Variants in BTBD7 observed in about 807,000 individuals in gnomAD.
BTBD7 encodes BTB/POZ domain-containing protein 7.
BTBD7 carries 38 observed loss-of-function variants against 99.9 expected under a neutral mutation model. That is an observed-to-expected ratio of 0.38 (90% CI 0.29 to 0.50). BTBD7 has a LOEUF of 0.50. Ranked by LOEUF, BTBD7 falls within the 20% of genes least tolerant of loss-of-function variation. BTBD7 has a pLI of 0.93. For synonymous variants in BTBD7, 520 were observed against 511.4 expected (o/e 1.02, Z -0.23); for missense variants, 1,170 against 1,394.6 (o/e 0.84, Z 2.57).
In BTBD7 at chr14:93,238,953, TAAG is replaced by T. The variant is rs1026542831; in HGVS notation, c.*3317_*3319del. ...AGTTAAGGCTTCATAAAGAATTCTA[TAAG>T]AAGATTTAAATGTCAAGAATTCACT... On this transcript the variant is annotated 3_prime_UTR_variant, in exon 11 of 11. Transcript: ENST00000334746. 3.3e-5 allele frequency: 5 copies of T among 152,216 alleles called. No homozygotes were observed. The highest frequency in any genetic ancestry group is 1.9e-4 in the East Asian group (1 of 5,202). The allele number at this position is 152,216 out of a possible 1,614,324, so 9.4% of individuals were successfully genotyped here. A position where few individuals can be genotyped will look rare whatever the true frequency, so the allele number is the denominator to read the frequency against.
At chr14:93,269,682 C>G (rs948173893) in intron 3 of BTBD7, among the ~76,000 whole-genome samples, 1 of 152,124 alleles carries the variant, frequency 6.6e-6, no homozygotes, top group Non-Finnish European at 1.5e-5. Flanking sequence ...GCAAAAACAC[C>G]GCTTGAATAT....
At chr14:93,326,782 C>T (rs543215573) in intron 1 of BTBD7, among the ~76,000 whole-genome samples, 15 of 145,718 alleles carry the variant, frequency 1.0e-4, no homozygotes, top group African/African-American at 3.9e-4. Context: ...CCAGCCTGGG[C>T]GACAGAGCAA....
chr14:93,259,260 G>GAATGAAGCTTACC (rs1215622679), intron 5 of BTBD7, among the ~76,000 whole-genome samples: 2 of 152,124 alleles, frequency 1.3e-5, no homozygotes, highest in Admixed American at 6.5e-5. Context: ...CAACAGCACT[G>GAATGAAGCTTACC]TAACTCACGC....
intron 3 of BTBD7, among the ~76,000 whole-genome samples, chr14:93,292,479 TAAAC>T (rs1393616102): frequency 6.6e-6 from 1 of 152,196 alleles, no homozygotes; most frequent in Non-Finnish European, 1.5e-5. Flanking sequence ...TCTAAACTAA[TAAAC>T]TGTTTTAATG....
intron 2 of BTBD7, among the ~76,000 whole-genome samples, chr14:93,295,296 C>CT (rs1027226113): frequency 4.6e-5 from 7 of 151,572 alleles, no homozygotes; most frequent in Admixed American, 2.6e-4. Flanking sequence ...ATTTTTTTTT[C>CT]TTTTTTTGGT....
At chr14:93,276,040 C>A (rs1049096579) in intron 3 of BTBD7, among the ~76,000 whole-genome samples, 4 of 151,986 alleles carry the variant, frequency 2.6e-5, no homozygotes, top group African/African-American at 7.3e-5. Context: ...CACAGTGAGA[C>A]CCTGTCTCTA....
intron 1 of BTBD7, 108 bp from the exon 2 acceptor site, chr14:93,296,265 G>A (rs923654659): frequency 2.2e-5 from 16 of 732,922 alleles, no homozygotes; most frequent in East Asian, 7.0e-5. Flanking sequence ...ATAACAACAC[G>A]CTGTCAAATT....
Position 93,242,769 on chromosome 14 carries a change from G to A in BTBD7, c.2903C>T (p.Ser968Leu), listed in dbSNP as rs1220242447. The A allele has an allele frequency of 9.9e-6, 16 of 1,614,070 alleles. No individual in the cohort carries two copies. Among genetic ancestry groups the A allele is most frequent in the African/African-American group, 4.0e-5 (3 of 74,920 alleles). The change falls in exon 11 of 11, where the codon TCG (serine) becomes TTG (leucine). Residue 968 changes from serine (S) to leucine (L), a missense_variant. Ser to Leu is a moderately radical substitution (Grantham distance 145, BLOSUM62 -2). Transcript: ENST00000334746. ...PALSRRTPSP[S>L]QGGYFGPDLY... Reference sequence around the variant, plus strand: ...ATCGGGACCAAAATATCCACCTTGCGAAGGGGAAGGGGTGCGTCTGCTGAG... The same window carrying A: ...ATCGGGACCAAAATATCCACCTTGCAAAGGGGAAGGGGTGCGTCTGCTGAG...
intron 6 of BTBD7, chr14:93,255,820 T>C (rs1215684537): frequency 6.6e-6 from 1 of 152,206 alleles, no homozygotes; most frequent in East Asian, 1.9e-4. Context: ...ATAACAACTG[T>C]TCAGGGGAGC....
rs2052923410 is a variant in BTBD7 at position 93,296,088 on chromosome 14, T to C, written c.-37A>G. ...ACTCAGGCATTCCGTCTGCGGGTTC[T>C]TCAGAGTATAATCCCAGAGGCCTTT... is the stretch of plus-strand genomic sequence containing the variant. On this transcript the variant is annotated 5_prime_UTR_variant, in exon 2 of 11. Coordinates refer to ENST00000334746, the MANE Select transcript of BTBD7 (RefSeq NM_001002860.4). 1.2e-6 allele frequency: 2 copies of C among 1,608,698 alleles called. No individual in the cohort carries two copies. Among genetic ancestry groups the C allele is most frequent in the African/African-American group, 1.3e-5 (1 of 74,788 alleles).
At chr14:93,305,596 T>C (rs531029839) in intron 1 of BTBD7, among the ~76,000 whole-genome samples, 11 of 152,346 alleles carry the variant, frequency 7.2e-5, no homozygotes, top group African/African-American at 1.7e-4. Flanking sequence ...TACCCACTTG[T>C]AGCAGAAACA....
chr14:93,293,935 G>A lies in BTBD7; in HGVS notation c.1085C>T (p.Pro362Leu). 1 of 1,613,754 alleles carries A rather than the reference G, an allele frequency of 6.2e-7. No individual in the cohort carries two copies. Reference protein sequence around the residue: ...SEVQALVAGKPNMTRAEEAME... With the variant: ...SEVQALVAGKLNMTRAEEAME... ...GGCTTCTTCTGCCCTGGTCATGTTT[G>A]GCTTCCCTGCGACGAGAGCCTGAAC... Residue 362 changes from proline to leucine, a missense_variant, in exon 3 of 11, where the codon CCA becomes CTA. By Grantham distance (98) the Pro-to-Leu change is moderately conservative. Around this residue, in one of 4 missense-constraint regions of BTBD7, gnomAD observed 359 missense variants for 497.9 expected, o/e 0.72. Coordinates refer to ENST00000334746, the MANE Select transcript of BTBD7 (RefSeq NM_001002860.4).
chr14:93,320,717 C>T (rs1485243070), intron 1 of BTBD7, among the ~76,000 whole-genome samples: 1 of 151,976 alleles, frequency 6.6e-6, no homozygotes, highest in Non-Finnish European at 1.5e-5. Context: ...CATTATCCAC[C>T]ATGTGACTAC....
chr14:93,313,001 G>A (rs1442390314), intron 1 of BTBD7, among the ~76,000 whole-genome samples: 1 of 151,990 alleles, frequency 6.6e-6, no homozygotes, highest in Admixed American at 6.6e-5. Context: ...CTATCCCCAG[G>A]GAGATCTGGC....
intron 10 of BTBD7, 43 bp from the exon 11 acceptor site, chr14:93,243,131 C>T (rs2052257031): frequency 6.6e-7 from 1 of 1,510,486 alleles, no homozygotes; most frequent in African/African-American, 1.4e-5. Flanking sequence ...AAAAAAAGGA[C>T]CCATCCTCTG....
chr14:93,261,713 A>C (rs777518715), intron 4 of BTBD7, 36 bp from the exon 5 acceptor site: 11 of 1,486,172 alleles, frequency 7.4e-6, no homozygotes, highest in South Asian at 1.2e-5. Flanking sequence ...ATTTTAGTGA[A>C]ATTAGATAAG....
intron 1 of BTBD7, among the ~76,000 whole-genome samples, chr14:93,319,241 A>C (rs66499953): frequency 0.12 from 18,050 of 152,214 alleles, 1,340 homozygotes; most frequent in African/African-American, 0.21. Context: ...AAACCAAAAA[A>C]CAACAGACAA....
chr14:93,317,395 G>A (rs1409296727), intron 1 of BTBD7, among the ~76,000 whole-genome samples: 1 of 150,662 alleles, frequency 6.6e-6, no homozygotes, highest in Admixed American at 6.6e-5. Context: ...ACAGGGTTTG[G>A]TATGTCGCCC....
intron 5 of BTBD7, among the ~76,000 whole-genome samples, chr14:93,258,283 C>G (rs936010535): frequency 6.6e-6 from 1 of 151,626 alleles, no homozygotes; most frequent in Non-Finnish European, 1.5e-5. Context: ...TGGATTCATT[C>G]AGAATAAAAT....
Sources: allele counts gnomAD v4.1 joint callset (sites outside exome capture counted in the v4.1 genomes callset), GRCh38; gene constraint gnomAD v4.1.1; regional missense constraint gnomAD v4.1.1; transcripts MANE v1.5; gene names NCBI Gene and HGNC (gene_info 2026-07-23, HGNC 2026-07-21).